CYTH3: variants seen among roughly 807,000 people sequenced by gnomAD.
CYTH3 encodes cytohesin-3.
In CYTH3, 23 loss-of-function variants were observed where a neutral mutation model predicts 55.1. That is an observed-to-expected ratio of 0.42 (90% CI 0.30 to 0.59). The LOEUF is 0.59. CYTH3 is among the 20% of genes least tolerant of loss of function. The pLI is 0.20. For missense variants in CYTH3, 413 were observed against 524.8 expected (o/e 0.79, Z 2.08); for synonymous variants, 249 against 194.9 (o/e 1.28, Z -2.31).
chr7:6,251,743 T>C (rs1245509480), intron 1 of CYTH3, among the ~76,000 whole-genome samples: 2 of 152,140 alleles, frequency 1.3e-5, no homozygotes, highest in South Asian at 4.1e-4. Context: ...CTTCTAAAAA[T>C]AGAGTACAGG....
chr7:6,261,305 C>T (rs1780346834), intron 1 of CYTH3, among the ~76,000 whole-genome samples: 2 of 152,254 alleles, frequency 1.3e-5, no homozygotes, highest in Admixed American at 6.5e-5. Context: ...AATTAGAGTT[C>T]AGGGGCTGCC....
chr7:6,161,821 T>A lies in CYTH3; in HGVS notation c.*3123A>T, dbSNP rs1782823935. 6.6e-6 allele frequency: 1 copy of A among 152,576 alleles called. No homozygotes were observed. Among genetic ancestry groups the A allele is most frequent in the Admixed American group, 6.5e-5 (1 of 15,282 alleles). The allele number at this position is 152,576 out of a possible 1,614,324, so 9.5% of individuals were successfully genotyped here. On this transcript the variant is annotated 3_prime_UTR_variant, in exon 13 of 13. Coordinates refer to ENST00000350796, the MANE Select transcript of CYTH3 (RefSeq NM_004227.4). ...ATTTTTATTTAGTGAACACAGTATCTGCAAGAGCTCTGACAGCCATCCACC... is the reference window on the plus strand; with the variant it reads ...ATTTTTATTTAGTGAACACAGTATCAGCAAGAGCTCTGACAGCCATCCACC...
chr7:6,190,317 CT>C (rs369267127), intron 2 of CYTH3, 131 bp downstream of exon 2: 6,989 of 626,190 alleles, frequency 0.011, 26 homozygotes, highest in African/African-American at 0.041. Context: ...CACTAAACAT[CT>C]TTTTTTTTTG....
chr7:6,239,041 C>T (rs996907273), intron 1 of CYTH3, among the ~76,000 whole-genome samples: 1 of 152,070 alleles, frequency 6.6e-6, no homozygotes, highest in Non-Finnish European at 1.5e-5. Context: ...TGGCAAAACC[C>T]CATCTCTACA....
Position 6,272,551 on chromosome 7 carries a change from G to C in CYTH3, c.-44C>G, listed in dbSNP as rs750058039. The C allele has an allele frequency of 7.8e-7, 1 of 1,278,390 alleles. No individual in the cohort carries two copies. The allele number at this position is 1,278,390 out of a possible 1,614,324, so 79.2% of individuals were successfully genotyped here. On this transcript the variant is annotated 5_prime_UTR_variant, in exon 1 of 13. Transcript: ENST00000350796. Reference sequence around the variant, plus strand: ...GCCGGCGAGCCGGGGGCCGGCAGCAGAGGGGCCGCGGGCTGGGGACGCCGC... The same window carrying C: ...GCCGGCGAGCCGGGGGCCGGCAGCACAGGGGCCGCGGGCTGGGGACGCCGC...
At chr7:6,237,481 G>A (rs539914714) in intron 1 of CYTH3, among the ~76,000 whole-genome samples, 8 of 152,202 alleles carry the variant, frequency 5.3e-5, no homozygotes, top group African/African-American at 1.2e-4. Context: ...AGGCCGAGGC[G>A]GGCGGATCTC....
chr7:6,208,924 C>T (rs1321767913), intron 1 of CYTH3, among the ~76,000 whole-genome samples: 1 of 152,202 alleles, frequency 6.6e-6, no homozygotes, highest in African/African-American at 2.4e-5. Flanking sequence ...AGTTCCTAGA[C>T]CCTATCCCAA....
chr7:6,165,468 G>A (rs1782970385), intron 11 of CYTH3, 41 bp from the exon 12 acceptor site: 1 of 1,609,274 alleles, frequency 6.2e-7, no homozygotes, highest in East Asian at 2.2e-5. Context: ...AGGGGGGCTT[G>A]GGGCAGGTTC....
At position 6,170,733 on chromosome 7, in the gene CYTH3, A is replaced by G; in HGVS notation, c.712-87T>C. ...AAAGCTCAGCGGGACCAGGGCGGCA[A>G]GGAGGCTTGGGAGGCGTGTCTAGAG... On this transcript the variant is annotated intron_variant, in intron 8 of 12. Transcript: ENST00000350796. This position sits in a 1 kb window ranked among gnomAD's most constrained non-coding sequence, Gnocchi z 7.8. 1.9e-6 allele frequency: 3 copies of G among 1,569,646 alleles called. No individual in the cohort carries two copies. The highest frequency in any genetic ancestry group is 2.6e-6 in the Non-Finnish European group (3 of 1,155,556).
intron 4 of CYTH3, among the ~76,000 whole-genome samples, chr7:6,183,877 G>A (rs1229137816): frequency 1.3e-5 from 2 of 151,870 alleles, no homozygotes; most frequent in East Asian, 1.9e-4. Context: ...CCTAGAGTGA[G>A]TAAGTTCTCC....
At position 6,176,242 on chromosome 7, in the gene CYTH3, GAAATAC is replaced by G. The variant is rs1284266965; in HGVS notation, c.368+1575_368+1580del. On this transcript the variant is annotated intron_variant, in intron 5 of 12. Coordinates refer to ENST00000350796, the MANE Select transcript of CYTH3 (RefSeq NM_004227.4). ...TCAGTTTACTCATTGCTATTGTATA[GAAATAC>G]AATTGATTTTTTTTTTTTTTTTTTT... Among the ~76,000 whole-genome samples the G allele has an allele frequency of 4.2e-5, 6 of 143,426 alleles. No homozygotes were observed. The South Asian group carries it at 1.4e-3, about 33-fold the overall frequency. 94.1% of individuals were successfully genotyped at this position (143,426 alleles called of 152,430 possible).
chr7:6,187,252 G>T, intron 3 of CYTH3, 136 bp from the exon 4 acceptor site: 1 of 836,756 alleles, frequency 1.2e-6, no homozygotes, highest in Non-Finnish European at 2.0e-6. Context: ...GGGGCCCCCA[G>T]TCTCCGCAGT....
chr7:6,174,696 C>T (rs953619198), intron 5 of CYTH3, among the ~76,000 whole-genome samples: 15 of 151,828 alleles, frequency 9.9e-5, no homozygotes, highest in Admixed American at 6.6e-5. Context: ...TACAGGCACC[C>T]GCCAGCACGC....
At chr7:6,247,312 C>G (rs971778654) in intron 1 of CYTH3, among the ~76,000 whole-genome samples, 3 of 152,340 alleles carry the variant, frequency 2.0e-5, no homozygotes, top group Admixed American at 6.5e-5. Flanking sequence ...AAGTAACCCT[C>G]TCCCCAGGTT....
At chr7:6,206,400 G>A (rs889575717) in intron 1 of CYTH3, among the ~76,000 whole-genome samples, 30 of 152,176 alleles carry the variant, frequency 2.0e-4, no homozygotes, top group African/African-American at 7.2e-4. Context: ...AGCAGGTCAA[G>A]AACAGACAAA....
intron 1 of CYTH3, among the ~76,000 whole-genome samples, chr7:6,230,356 G>A (rs1193092004): frequency 6.6e-6 from 1 of 152,138 alleles, no homozygotes; most frequent in Non-Finnish European, 1.5e-5. Context: ...GGCACCTACA[G>A]TTAAGATACC....
At position 6,265,110 on chromosome 7, in the gene CYTH3, T is replaced by C. The variant is rs554705872; in HGVS notation, c.34+7364A>G. Among the ~76,000 whole-genome samples the C allele has an allele frequency of 7.2e-5, 11 of 151,756 alleles. No individual in the cohort carries two copies. In the South Asian group the frequency reaches 1.7e-3, roughly 23 times the overall value. ...GGAGTGTGCTTGGCAAGGAGACCAA[T>C]GAGACAGAGCAGAGTCAGGGAGGAA... is the stretch of plus-strand genomic sequence containing the variant. On this transcript the variant is annotated intron_variant, in intron 1 of 12. Coordinates refer to ENST00000350796, the MANE Select transcript of CYTH3 (RefSeq NM_004227.4).
rs75513713 is a variant in CYTH3, at chr7:6,251,524, C to T, written c.34+20950G>A. On this transcript the variant is annotated intron_variant, in intron 1 of 12. Coordinates refer to ENST00000350796, the MANE Select transcript of CYTH3 (RefSeq NM_004227.4). Reference sequence around the variant, plus strand: ...TTCTTCAAAATACCGTTCATGGCGGCGCAGACAGAGCAGCAATCTGTGAAG... The same window carrying T: ...TTCTTCAAAATACCGTTCATGGCGGTGCAGACAGAGCAGCAATCTGTGAAG... Among the ~76,000 whole-genome samples the T allele has an allele frequency of 6.2e-3, 939 of 151,978 alleles. 8 individuals carry two copies. The highest frequency in any genetic ancestry group is 0.021 in the African/African-American group (888 of 41,462).
chr7:6,213,984 T>G (rs1320855853), intron 1 of CYTH3, among the ~76,000 whole-genome samples: 1 of 152,110 alleles, frequency 6.6e-6, no homozygotes, highest in Non-Finnish European at 1.5e-5. Context: ...GAAAGCAGTG[T>G]CACAGACTCC....
Sources: gnomAD v4.1 joint callset for allele counts (sites outside exome capture counted in the v4.1 genomes callset) on GRCh38, gnomAD v4.1.1 for gene constraint, Gnocchi (gnomAD v3.1) non-coding constraint, MANE v1.5 for transcripts, NCBI Gene and HGNC (gene_info 2026-07-23, HGNC 2026-07-21) for gene names.